EGLN3: variants seen among roughly 807,000 people sequenced by gnomAD.
EGLN3 encodes egl-9 family hypoxia inducible factor 3, also known as prolyl hydroxylase EGLN3.
In EGLN3, 15 loss-of-function variants were observed where a neutral mutation model predicts 26.0. The ratio of observed to expected loss-of-function variants is 0.58; its 90% CI spans 0.39 to 0.89. The LOEUF (loss-of-function observed/expected upper bound fraction) is 0.89. EGLN3 is among the 40% of genes least tolerant of loss of function. The probability of loss-of-function intolerance (pLI) is 0.00; values close to 1 mark genes in which losing one functional copy is unlikely to be tolerated. For missense variants in EGLN3, 238 were observed against 311.6 expected (o/e 0.76, Z 1.78); for synonymous variants, 147 against 127.2 (o/e 1.16, Z -1.05).
At chr14:33,940,955 C>T (rs916127573) in intron 1 of EGLN3, among the ~76,000 whole-genome samples, 1 of 152,078 alleles carries the variant, frequency 6.6e-6, no homozygotes. Flanking sequence ...AATGTCGGTG[C>T]GAGTCTGCTC....
intron 1 of EGLN3, among the ~76,000 whole-genome samples, chr14:33,935,889 C>T (rs886151988): frequency 6.6e-6 from 1 of 152,112 alleles, no homozygotes; most frequent in Admixed American, 6.6e-5. Flanking sequence ...TTCCCTTCTC[C>T]ACCATAAGGC....
At chr14:33,926,821 G>A in intron 4 of EGLN3, 139 bp downstream of exon 4, 2 of 538,208 alleles carry the variant, frequency 3.7e-6, no homozygotes, top group Non-Finnish European at 3.0e-6. Flanking sequence ...AAGGTTTCAG[G>A]ATAAAACCCA....
intron 1 of EGLN3, among the ~76,000 whole-genome samples, chr14:33,945,561 T>C (rs959652553): frequency 7.2e-5 from 11 of 152,104 alleles, no homozygotes; most frequent in African/African-American, 2.2e-4. Context: ...GCCATGTGCA[T>C]GGGAAGGCAG....
intron 1 of EGLN3, among the ~76,000 whole-genome samples, chr14:33,931,877 T>A (rs1680700): frequency 0.95 from 144,386 of 152,104 alleles, 68,694 homozygotes; most frequent in Non-Finnish European, 0.98. Flanking sequence ...GATAATTATG[T>A]AATCAGGTGA....
Position 33,925,077 on chromosome 14 carries a change from A to G in EGLN3, c.*814T>C, listed in dbSNP as rs557631494. ...TTCCACAGTTATCAGTGGTTAACAC[A>G]AAACTACCAGGGATATATTTTTCCT... On this transcript the variant is annotated 3_prime_UTR_variant, in exon 5 of 5. Coordinates refer to ENST00000250457, the MANE Select transcript of EGLN3 (RefSeq NM_022073.4). The G allele has an allele frequency of 5.9e-5, 9 of 152,208 alleles. No individual in the cohort carries two copies. Among genetic ancestry groups the G allele is most frequent in the African/African-American group, 1.9e-4 (8 of 41,528 alleles). The allele number at this position is 152,208 out of a possible 1,614,324, so 9.4% of individuals were successfully genotyped here.
chr14:33,927,857 T>C (rs2064373150), intron 3 of EGLN3, among the ~76,000 whole-genome samples: 1 of 152,186 alleles, frequency 6.6e-6, no homozygotes, highest in South Asian at 2.1e-4. Flanking sequence ...TGCAATTGAA[T>C]AATAATAATG....
chr14:33,935,330 G>A (rs76514418), intron 1 of EGLN3, among the ~76,000 whole-genome samples: 2,130 of 152,244 alleles, frequency 0.014, 53 homozygotes, highest in African/African-American at 0.048. Context: ...CTACTTAAGT[G>A]TTTTGTAGTT....
At chr14:33,949,186 C>A (rs1044174902) in intron 1 of EGLN3, 5 of 152,256 alleles carry the variant, frequency 3.3e-5, no homozygotes, top group African/African-American at 1.2e-4. Context: ...CAAACTGTGA[C>A]TCCCCACTGC....
At chr14:33,950,195 C>A in intron 1 of EGLN3, 5 of 616,472 alleles carry the variant, frequency 8.1e-6, no homozygotes, top group Non-Finnish European at 1.5e-5. Context: ...TCATGGTTCA[C>A]CTGAGCCCCT....
At chr14:33,935,618 CACATAT>C (rs746253352) in intron 1 of EGLN3, among the ~76,000 whole-genome samples, 20 of 88,086 alleles carry the variant, frequency 2.3e-4, no homozygotes, top group Admixed American at 9.3e-4. Flanking sequence ...CACACACACA[CACATAT>C]ATATATATAC....
chr14:33,927,477 T>C (rs780824950), intron 3 of EGLN3, among the ~76,000 whole-genome samples: 20 of 152,190 alleles, frequency 1.3e-4, no homozygotes, highest in Non-Finnish European at 2.4e-4. Context: ...CTGATTTTAA[T>C]TTAAAATTAA....
At chr14:33,926,142 C>G (rs1333694073) in intron 4 of EGLN3, among the ~76,000 whole-genome samples, 1 of 152,194 alleles carries the variant, frequency 6.6e-6, no homozygotes, top group Non-Finnish European at 1.5e-5. Context: ...CCAGCATTGG[C>G]ACCTCTTGGG....
chr14:33,930,574 A>G (rs2064395492), intron 2 of EGLN3, among the ~76,000 whole-genome samples: 1 of 152,190 alleles, frequency 6.6e-6, no homozygotes, highest in Admixed American at 6.5e-5. Flanking sequence ...TATAATACAA[A>G]AATAAGCCAC....
intron 1 of EGLN3, chr14:33,949,185 A>T (rs932064512): frequency 3.3e-5 from 5 of 151,770 alleles, no homozygotes; most frequent in Admixed American, 6.6e-5. Flanking sequence ...GCAAACTGTG[A>T]CTCCCCACTG....
chr14:33,950,010 T>G (rs922146991), intron 1 of EGLN3: 1 of 479,996 alleles, frequency 2.1e-6, no homozygotes. Context: ...GGCTTTAAAG[T>G]AGGCATTTAA....
chr14:33,926,186 C>T (rs1253042496), intron 4 of EGLN3, among the ~76,000 whole-genome samples: 2 of 152,164 alleles, frequency 1.3e-5, no homozygotes, highest in African/African-American at 4.8e-5. Flanking sequence ...GAAGTGTAGC[C>T]TCACTCACAT....
intron 3 of EGLN3, among the ~76,000 whole-genome samples, chr14:33,927,836 T>A (rs536348920): frequency 3.0e-4 from 46 of 152,198 alleles, no homozygotes; most frequent in Non-Finnish European, 5.7e-4. Context: ...TTTTGGACAT[T>A]GAGGCAAAAT....
intron 1 of EGLN3, 109 bp downstream of exon 1, chr14:33,950,287 G>A (rs753688651): frequency 2.6e-5 from 28 of 1,081,284 alleles, no homozygotes; most frequent in Non-Finnish European, 3.8e-5. Context: ...TGACTTCTTG[G>A]TTAAAAAACA....
At chr14:33,937,747 A>C (rs376183605) in intron 1 of EGLN3, among the ~76,000 whole-genome samples, 3 of 152,310 alleles carry the variant, frequency 2.0e-5, no homozygotes, top group East Asian at 3.9e-4. Context: ...TACCCAGAAC[A>C]CTGCTACACA....
Sources: gnomAD v4.1 joint callset for allele counts (sites outside exome capture counted in the v4.1 genomes callset) on GRCh38, gnomAD v4.1.1 for gene constraint, MANE v1.5 for transcripts, NCBI Gene and HGNC (gene_info 2026-07-23, HGNC 2026-07-21) for gene names.